Variants in MSRA observed in about 807,000 individuals in gnomAD.
The protein encoded by MSRA is mitochondrial peptide methionine sulfoxide reductase.
MSRA carries 54 observed loss-of-function variants against 31.3 expected under a neutral mutation model. That is an observed-to-expected ratio of 1.73 (90% CI 1.39 to 2.17). The LOEUF (loss-of-function observed/expected upper bound fraction) is 2.17, where lower values mean the gene tolerates loss of function less well. MSRA is among the 30% of genes most tolerant of loss of function. The pLI, the probability that MSRA is intolerant of heterozygous loss-of-function variation, is 0.00. For synonymous variants in MSRA, 169 were observed against 116.5 expected, an observed-to-expected ratio of 1.45 and a Z score of -2.90; for missense variants, 507 against 300.9, an observed-to-expected ratio of 1.69 and a Z score of -5.07.
At chr8:10,320,156 T>C (rs1801966545) in intron 5 of MSRA, 167 bp downstream of exon 5, 2 of 492,654 alleles carry the variant, frequency 4.1e-6, no homozygotes, top group East Asian at 6.8e-5. Flanking sequence ...GTCTAATACG[T>C]GTGCTAAATG....
At chr8:10,115,845 A>G (rs938978167) in intron 1 of MSRA, among the ~76,000 whole-genome samples, 1 of 152,196 alleles carries the variant, frequency 6.6e-6, no homozygotes, top group African/African-American at 2.4e-5. Flanking sequence ...CTGTTTAATG[A>G]ATTAATTAAT....
At chr8:10,214,806 G>C (rs1022845179) in intron 2 of MSRA, among the ~76,000 whole-genome samples, 11 of 152,180 alleles carry the variant, frequency 7.2e-5, no homozygotes, top group Admixed American at 7.2e-4. Flanking sequence ...AATGGTCATT[G>C]GAGACATAGT....
chr8:10,404,737 G>A (rs962963457), intron 5 of MSRA, among the ~76,000 whole-genome samples: 1 of 152,212 alleles, frequency 6.6e-6, no homozygotes. Flanking sequence ...GGTTTCAGGG[G>A]CAGCCAGAGG....
chr8:10,157,641 A>G (rs950496529), intron 1 of MSRA, among the ~76,000 whole-genome samples: 1 of 152,168 alleles, frequency 6.6e-6, no homozygotes, highest in African/African-American at 2.4e-5. Flanking sequence ...AATAATAATA[A>G]TAATAGTTCT....
chr8:10,121,994 T>C (rs928569217), intron 1 of MSRA, among the ~76,000 whole-genome samples: 3 of 152,070 alleles, frequency 2.0e-5, no homozygotes, highest in African/African-American at 4.8e-5. Context: ...GTAGGACTTT[T>C]AGAAAACATG....
chr8:10,218,167 G>A (rs527390138), intron 2 of MSRA, among the ~76,000 whole-genome samples: 1 of 141,132 alleles, frequency 7.1e-6, no homozygotes, highest in South Asian at 2.3e-4. Flanking sequence ...TTTATTTTGA[G>A]AAAGAGTCTC....
At chr8:10,095,631 C>T (rs1799101713) in intron 1 of MSRA, 3 of 990,942 alleles carry the variant, frequency 3.0e-6, no homozygotes, top group Non-Finnish European at 3.6e-6. Flanking sequence ...TGGCACAGCT[C>T]AGTCAAATCA....
At chr8:10,165,615 A>G (rs1805057760) in intron 1 of MSRA, among the ~76,000 whole-genome samples, 1 of 152,166 alleles carries the variant, frequency 6.6e-6, no homozygotes, top group Admixed American at 6.5e-5. Flanking sequence ...ATTTCCTGAT[A>G]AAATGAAAAA....
intron 1 of MSRA, among the ~76,000 whole-genome samples, chr8:10,055,600 T>C (rs903682448): frequency 6.6e-6 from 1 of 152,244 alleles, no homozygotes; most frequent in Non-Finnish European, 1.5e-5. Flanking sequence ...CTCCAGGTGA[T>C]TGTAATGTAC....
At chr8:10,229,228 G>T (rs113548001) in intron 2 of MSRA, among the ~76,000 whole-genome samples, 1 of 112,552 alleles carries the variant, frequency 8.9e-6, no homozygotes, top group Non-Finnish European at 2.4e-5. Context: ...GACCTGGCTG[G>T]TGATACTGAG....
intron 5 of MSRA, among the ~76,000 whole-genome samples, chr8:10,373,658 G>A (rs1330176609): frequency 6.6e-6 from 1 of 152,266 alleles, no homozygotes; most frequent in African/African-American, 2.4e-5. Context: ...CAGAGGCAGG[G>A]GATTCCGGGA....
At chr8:10,341,258 C>T (rs552060131) in intron 5 of MSRA, among the ~76,000 whole-genome samples, 2 of 152,302 alleles carry the variant, frequency 1.3e-5, no homozygotes, top group South Asian at 2.1e-4. Flanking sequence ...ATCTGCTCGG[C>T]TCCTAGGGAG....
intron 3 of MSRA, among the ~76,000 whole-genome samples, chr8:10,245,630 G>T (rs1797584878): frequency 6.6e-6 from 1 of 152,186 alleles, no homozygotes; most frequent in African/African-American, 2.4e-5. Flanking sequence ...TCTTTGGCCT[G>T]GCAGTTGGTG....
chr8:10,121,209 A>AG (rs1166550110), intron 1 of MSRA, among the ~76,000 whole-genome samples: 8 of 152,108 alleles, frequency 5.3e-5, no homozygotes, highest in African/African-American at 1.9e-4. Context: ...TTTTTCTGTG[A>AG]GGGAGGAATG....
At chr8:10,211,880 C>T (rs1809531895) in intron 2 of MSRA, among the ~76,000 whole-genome samples, 1 of 152,128 alleles carries the variant, frequency 6.6e-6, no homozygotes, top group Admixed American at 6.5e-5. Flanking sequence ...AGACCAGCTA[C>T]TCATTGCCTT....
At position 10,212,894 on chromosome 8, in the gene MSRA, A is replaced by T. The variant is rs552131472; in HGVS notation, c.211+4993A>T. 3.9e-5 allele frequency among the ~76,000 whole-genome samples: 6 copies of T among 152,276 alleles called. No homozygotes were observed. The South Asian group carries it at 1.2e-3, about 32-fold the overall frequency. ...TTGAACCCATCATTATTTATTTTTTAATTTAAAAGTTTTGTGGGTACATAG... is the reference window on the plus strand; with the variant it reads ...TTGAACCCATCATTATTTATTTTTTTATTTAAAAGTTTTGTGGGTACATAG... On this transcript the variant is annotated intron_variant, in intron 2 of 5. Coordinates refer to ENST00000317173, the MANE Select transcript of MSRA (RefSeq NM_012331.5).
chr8:10,332,851 C>T (rs1248838512), intron 5 of MSRA, among the ~76,000 whole-genome samples: 1 of 152,234 alleles, frequency 6.6e-6, no homozygotes, highest in Non-Finnish European at 1.5e-5. Context: ...AAACTGTGTG[C>T]ATCCGCATTT....
chr8:10,056,693 T>C (rs1202753251), intron 1 of MSRA, among the ~76,000 whole-genome samples: 2 of 152,166 alleles, frequency 1.3e-5, no homozygotes, highest in Non-Finnish European at 2.9e-5. Flanking sequence ...GCTCCAGAAA[T>C]GGGCAGTGTT....
At chr8:10,394,540 T>A (rs1806974202) in intron 5 of MSRA, among the ~76,000 whole-genome samples, 1 of 152,268 alleles carries the variant, frequency 6.6e-6, no homozygotes, top group African/African-American at 2.4e-5. Context: ...CTCACTTGAT[T>A]CCCTGAGCAG....
Sources: gnomAD v4.1 joint callset for allele counts (sites outside exome capture counted in the v4.1 genomes callset) on GRCh38, gnomAD v4.1.1 for gene constraint, MANE v1.5 for transcripts, NCBI Gene and HGNC (gene_info 2026-07-23, HGNC 2026-07-21) for gene names.